MDGA2: variants seen among roughly 807,000 people sequenced by gnomAD.
MDGA2 encodes MAM domain containing glycosylphosphatidylinositol anchor 2, also known as MAM domain-containing glycosylphosphatidylinositol anchor protein 2.
MDGA2 carries 40 observed loss-of-function variants against 117.8 expected under a neutral mutation model. The ratio of observed to expected loss-of-function variants is 0.34; its 90% CI spans 0.26 to 0.44. The LOEUF (loss-of-function observed/expected upper bound fraction) is 0.44. Ranked by LOEUF, MDGA2 falls within the 20% of genes least tolerant of loss-of-function variation. The pLI is 1.00. For synonymous variants in MDGA2, 452 were observed against 439.0 expected (o/e 1.03, Z -0.37); for missense variants, 1,123 against 1,250.6 (o/e 0.90, Z 1.54).
At chr14:47,606,863 A>T (rs532191349) in intron 1 of MDGA2, among the ~76,000 whole-genome samples, 85 of 152,256 alleles carry the variant, frequency 5.6e-4, no homozygotes, top group African/African-American at 2.0e-3. Flanking sequence ...TACTGCTTAA[A>T]CTTTGCCATT....
At chr14:47,293,283 C>T (rs899814898) in intron 2 of MDGA2, among the ~76,000 whole-genome samples, 1 of 152,212 alleles carries the variant, frequency 6.6e-6, no homozygotes, top group African/African-American at 2.4e-5. Context: ...TATAAGTCCT[C>T]ATGATGTTTA....
At chr14:47,145,698 G>A (rs1041544505) in intron 3 of MDGA2, among the ~76,000 whole-genome samples, 1 of 152,034 alleles carries the variant, frequency 6.6e-6, no homozygotes, top group African/African-American at 2.4e-5. Context: ...ATATTATTTA[G>A]GCTGTTGAAG....
chr14:47,625,366 T>C (rs1897122731), intron 1 of MDGA2, among the ~76,000 whole-genome samples: 1 of 152,208 alleles, frequency 6.6e-6, no homozygotes, highest in Admixed American at 6.5e-5. Flanking sequence ...CTAAAATATT[T>C]ATATAACAAT....
At chr14:47,193,767 G>A (rs747490811) in intron 3 of MDGA2, among the ~76,000 whole-genome samples, 3 of 152,088 alleles carry the variant, frequency 2.0e-5, no homozygotes, top group Non-Finnish European at 4.4e-5. Context: ...TCCTTTCTTC[G>A]GGTGCTTTTC....
intron 1 of MDGA2, among the ~76,000 whole-genome samples, chr14:47,574,092 A>G (rs17118944): frequency 0.014 from 2,188 of 152,238 alleles, 46 homozygotes; most frequent in African/African-American, 0.049. Context: ...GCAAGTTCTT[A>G]TGGAGAAGAA....
At chr14:47,058,516 CA>C in intron 7 of MDGA2, 3 of 984,222 alleles carry the variant, frequency 3.0e-6, no homozygotes, top group Non-Finnish European at 3.6e-6. Flanking sequence ...TGATATAATC[CA>C]AGATTTCCTT....
chr14:47,089,650 C>T (rs1477295950), intron 6 of MDGA2, among the ~76,000 whole-genome samples: 2 of 151,898 alleles, frequency 1.3e-5, no homozygotes, highest in Admixed American at 1.3e-4. Flanking sequence ...ATGTGCACAA[C>T]CTGCAGGTTT....
chr14:47,311,256 T>G (rs182336290), intron 1 of MDGA2, among the ~76,000 whole-genome samples: 1 of 152,302 alleles, frequency 6.6e-6, no homozygotes, highest in African/African-American at 2.4e-5. Flanking sequence ...ACCTTAAGCA[T>G]AAATTGGGTA....
At chr14:47,009,969 T>A (rs1427278831) in intron 8 of MDGA2, among the ~76,000 whole-genome samples, 1 of 152,046 alleles carries the variant, frequency 6.6e-6, no homozygotes, top group Non-Finnish European at 1.5e-5. Flanking sequence ...CTTACCCCCC[T>A]TTCCCAACCT....
At chr14:47,401,004 A>G (rs1380276064) in intron 1 of MDGA2, among the ~76,000 whole-genome samples, 1 of 150,686 alleles carries the variant, frequency 6.6e-6, no homozygotes, top group Non-Finnish European at 1.5e-5. Flanking sequence ...TGATCCGCTC[A>G]CCTCGGCCTC....
chr14:47,370,668 C>T (rs1449910733), intron 1 of MDGA2, among the ~76,000 whole-genome samples: 4 of 150,790 alleles, frequency 2.7e-5, no homozygotes, highest in Admixed American at 6.6e-5. Context: ...CATTAAACTT[C>T]CTTCTAGCAC....
chr14:47,038,815 G>A (rs1017538084), intron 7 of MDGA2, among the ~76,000 whole-genome samples: 2 of 151,584 alleles, frequency 1.3e-5, no homozygotes, highest in South Asian at 2.1e-4. Flanking sequence ...GGCAGTGGGC[G>A]CCTGGAGTCC....
intron 1 of MDGA2, among the ~76,000 whole-genome samples, chr14:47,482,667 A>C (rs957544973): frequency 1.2e-4 from 18 of 152,068 alleles, no homozygotes; most frequent in African/African-American, 4.3e-4. Flanking sequence ...TTCTTCATTC[A>C]TTCATTTATT....
At chr14:47,408,334 G>A (rs532684794) in intron 1 of MDGA2, among the ~76,000 whole-genome samples, 1 of 152,240 alleles carries the variant, frequency 6.6e-6, no homozygotes, top group South Asian at 2.1e-4. Flanking sequence ...GATTATAGGC[G>A]TTAGCCACCG....
At chr14:47,086,402 G>A (rs1890902454) in intron 6 of MDGA2, among the ~76,000 whole-genome samples, 1 of 151,990 alleles carries the variant, frequency 6.6e-6, no homozygotes, top group African/African-American at 2.4e-5. Context: ...GACATTGGAG[G>A]AATTTGAACA....
chr14:46,977,090 G>C (rs576421160), intron 8 of MDGA2, among the ~76,000 whole-genome samples: 5 of 151,808 alleles, frequency 3.3e-5, no homozygotes, highest in Admixed American at 2.6e-4. Flanking sequence ...TTATAAAATA[G>C]ATATTTACAG....
chr14:47,489,089 T>TA (rs1358057913), intron 1 of MDGA2, among the ~76,000 whole-genome samples: 2 of 151,756 alleles, frequency 1.3e-5, no homozygotes, highest in Non-Finnish European at 2.9e-5. Context: ...TAGGTTTTTC[T>TA]AAAAAAAAGA....
intron 1 of MDGA2, among the ~76,000 whole-genome samples, chr14:47,503,421 CTTT>C (rs1180360462): frequency 2.2e-5 from 3 of 133,690 alleles, no homozygotes; most frequent in Non-Finnish European, 4.8e-5. Context: ...CCTCTACTAC[CTTT>C]TTTTTTTTTT....
chr14:47,330,793 G>A (rs1384935836), intron 1 of MDGA2, among the ~76,000 whole-genome samples: 1 of 151,772 alleles, frequency 6.6e-6, no homozygotes, highest in Non-Finnish European at 1.5e-5. Flanking sequence ...TTTCCTTTTT[G>A]ACAGCTGAAA....
Sources: allele counts gnomAD v4.1 joint callset (sites outside exome capture counted in the v4.1 genomes callset), GRCh38; gene constraint gnomAD v4.1.1; transcripts MANE v1.5; gene names NCBI Gene and HGNC (gene_info 2026-07-23, HGNC 2026-07-21).